The following PRKCA variants were observed in gnomAD, a reference collection of about 807,000 sequenced individuals.
PRKCA encodes the protein protein kinase C alpha type.
In PRKCA, 27 loss-of-function variants were observed where a neutral mutation model predicts 87.0. The ratio of observed to expected loss-of-function variants is 0.31; its 90% CI spans 0.23 to 0.43. The LOEUF (loss-of-function observed/expected upper bound fraction) is 0.43. PRKCA is among the 20% of genes least tolerant of loss of function. The probability of loss-of-function intolerance (pLI) is 1.00; values close to 1 mark genes in which losing one functional copy is unlikely to be tolerated. For synonymous variants in PRKCA, 329 were observed against 311.1 expected, an observed-to-expected ratio of 1.06 and a Z score of -0.61; for missense variants, 518 against 852.3, an observed-to-expected ratio of 0.61 and a Z score of 4.88.
chr17:66,394,484 C>T (rs1252530964), intron 2 of PRKCA, among the ~76,000 whole-genome samples: 2 of 152,214 alleles, frequency 1.3e-5, no homozygotes, highest in South Asian at 4.1e-4. Flanking sequence ...TCATTTATTC[C>T]CTAATCACGA....
intron 8 of PRKCA, among the ~76,000 whole-genome samples, chr17:66,711,048 TAAATA>T (rs1567989313): frequency 6.6e-6 from 1 of 150,938 alleles, no homozygotes; most frequent in Non-Finnish European, 1.5e-5. Context: ...ATCTCAAAAA[TAAATA>T]AATAAAATAA....
chr17:66,592,774 C>T (rs1227073491), intron 3 of PRKCA, among the ~76,000 whole-genome samples: 1 of 151,794 alleles, frequency 6.6e-6, no homozygotes, highest in African/African-American at 2.4e-5. Context: ...AACCAAAAAA[C>T]ATCGATTCAT....
intron 3 of PRKCA, among the ~76,000 whole-genome samples, chr17:66,635,386 C>T (rs1424569381): frequency 6.6e-6 from 1 of 152,222 alleles, no homozygotes; most frequent in Non-Finnish European, 1.5e-5. Flanking sequence ...CTGGAAGCCG[C>T]AAGCCTTACC....
intron 2 of PRKCA, among the ~76,000 whole-genome samples, chr17:66,367,325 C>A (rs569090372): frequency 6.6e-6 from 1 of 152,318 alleles, no homozygotes; most frequent in South Asian, 2.1e-4. Context: ...GAAAAAGCCC[C>A]TGGTCACACC....
At chr17:66,503,793 A>G (rs1178570902) in intron 3 of PRKCA, among the ~76,000 whole-genome samples, 2 of 152,366 alleles carry the variant, frequency 1.3e-5, no homozygotes, top group Non-Finnish European at 2.9e-5. Context: ...AATAAAATTT[A>G]AAGCATTTAA....
chr17:66,481,592 C>A (rs1426546503), intron 2 of PRKCA, among the ~76,000 whole-genome samples: 1 of 152,174 alleles, frequency 6.6e-6, no homozygotes, highest in Non-Finnish European at 1.5e-5. Flanking sequence ...CCTCTTGTCA[C>A]CCCTCCAGCA....
At chr17:66,500,066 A>C (rs1210062005) in intron 3 of PRKCA, among the ~76,000 whole-genome samples, 2 of 152,134 alleles carry the variant, frequency 1.3e-5, no homozygotes, top group Non-Finnish European at 2.9e-5. Context: ...CAGCTCCCTT[A>C]TTAGAGAGGT....
chr17:66,710,798 G>A (rs1209237001), intron 8 of PRKCA, among the ~76,000 whole-genome samples: 35 of 151,976 alleles, frequency 2.3e-4, no homozygotes, highest in Admixed American at 2.3e-3. Context: ...GGGAGGCCGA[G>A]GCAGGTGGAT....
At chr17:66,419,347 A>G (rs764235412) in intron 2 of PRKCA, among the ~76,000 whole-genome samples, 1 of 152,146 alleles carries the variant, frequency 6.6e-6, no homozygotes, top group Non-Finnish European at 1.5e-5. Flanking sequence ...CCTTTAATAC[A>G]TGTACATTTC....
intron 2 of PRKCA, among the ~76,000 whole-genome samples, chr17:66,487,174 T>C (rs2144075921): frequency 6.6e-6 from 1 of 152,268 alleles, no homozygotes; most frequent in Middle Eastern, 3.4e-3. Flanking sequence ...AACTAACTGG[T>C]CTTCATCCCT....
At chr17:66,613,368 A>G (rs567729780) in intron 3 of PRKCA, among the ~76,000 whole-genome samples, 3 of 152,350 alleles carry the variant, frequency 2.0e-5, no homozygotes, top group East Asian at 1.9e-4. Flanking sequence ...GGATCTCAGC[A>G]TTATAAATAC....
intron 3 of PRKCA, among the ~76,000 whole-genome samples, chr17:66,605,204 A>G (rs1197806952): frequency 6.6e-6 from 1 of 152,214 alleles, no homozygotes; most frequent in African/African-American, 2.4e-5. Flanking sequence ...TTAGATGGCT[A>G]CTGATCACAG....
intron 3 of PRKCA, among the ~76,000 whole-genome samples, chr17:66,590,696 A>G (rs898327652): frequency 6.6e-6 from 1 of 152,158 alleles, no homozygotes; most frequent in African/African-American, 2.4e-5. Context: ...CTAAAAATAC[A>G]AAAATTAGCT....
At chr17:66,681,993 C>A (rs1972507356) in intron 5 of PRKCA, among the ~76,000 whole-genome samples, 1 of 152,242 alleles carries the variant, frequency 6.6e-6, no homozygotes, top group Admixed American at 6.5e-5. Flanking sequence ...CTGCACTGTG[C>A]CATCTACTGT....
chr17:66,354,802 T>C (rs1235952132), intron 2 of PRKCA, among the ~76,000 whole-genome samples: 2 of 152,188 alleles, frequency 1.3e-5, no homozygotes, highest in East Asian at 3.9e-4. Context: ...AAAGTACTTT[T>C]TTTTCCTCTG....
At chr17:66,338,005 C>T (rs1338132166) in intron 2 of PRKCA, among the ~76,000 whole-genome samples, 1 of 150,848 alleles carries the variant, frequency 6.6e-6, no homozygotes, top group Non-Finnish European at 1.5e-5. Flanking sequence ...AATCTTCCCC[C>T]CCCTCCGCCC....
chr17:66,410,558 G>A (rs954612413), intron 2 of PRKCA, among the ~76,000 whole-genome samples: 4 of 152,050 alleles, frequency 2.6e-5, no homozygotes, highest in African/African-American at 9.7e-5. Flanking sequence ...CATTGACATT[G>A]TTAGGTAGTT....
intron 5 of PRKCA, among the ~76,000 whole-genome samples, chr17:66,652,245 C>T (rs980936350): frequency 1.3e-5 from 2 of 152,176 alleles, no homozygotes; most frequent in Non-Finnish European, 2.9e-5. Context: ...AGGCGTGAGC[C>T]ACCGTGCCTG....
At chr17:66,335,938 T>C (rs1906636630) in intron 2 of PRKCA, among the ~76,000 whole-genome samples, 1 of 152,192 alleles carries the variant, frequency 6.6e-6, no homozygotes, top group South Asian at 2.1e-4. Context: ...AGTTACTAAA[T>C]TTCATTTCAG....
Sources: gnomAD v4.1 joint callset for allele counts (sites outside exome capture counted in the v4.1 genomes callset) on GRCh38, gnomAD v4.1.1 for gene constraint, MANE v1.5 for transcripts, NCBI Gene and HGNC (gene_info 2026-07-23, HGNC 2026-07-21) for gene names.